The following FREM2 variants were observed in gnomAD, a reference collection of about 807,000 sequenced individuals.
The protein encoded by FREM2 is FRAS1-related extracellular matrix protein 2.
A neutral mutation model predicts 219.9 loss-of-function variants in FREM2; 119 were observed. The observed-to-expected ratio is 0.54, with a 90% CI of 0.47 to 0.63. The LOEUF (loss-of-function observed/expected upper bound fraction) is 0.63. FREM2 is among the 30% of genes least tolerant of loss of function. The pLI, the probability that FREM2 is intolerant of heterozygous loss-of-function variation, is 0.00. For synonymous variants in FREM2, 1,562 were observed against 1,522.8 expected, an observed-to-expected ratio of 1.03 and a Z score of -0.60; for missense variants, 4,030 against 3,993.6, an observed-to-expected ratio of 1.01 and a Z score of -0.25.
At position 38,697,749 on chromosome 13, in the gene FREM2, C is replaced by A. The variant is rs1461330765; in HGVS notation, c.5225C>A (p.Ala1742Asp). The change falls in exon 2 of 24, where the codon GCC becomes GAC. Residue 1742 changes from alanine (A) to aspartate (D), a missense_variant. Physicochemically the swap from Ala to Asp is moderately radical, Grantham distance 126 (BLOSUM62 -2). Coordinates refer to ENST00000280481, the MANE Select transcript of FREM2 (RefSeq NM_207361.6). ...ICYVLREGAN[A>D]TSDMFYFAVE... Reference sequence around the variant, plus strand: ...TATGTCTTAAGAGAAGGGGCTAATGCCACAAGTGATATGTTCTATTTTGCA... The same window carrying A: ...TATGTCTTAAGAGAAGGGGCTAATGACACAAGTGATATGTTCTATTTTGCA... The A allele has an allele frequency of 1.2e-6, 2 of 1,609,972 alleles. No individual in the cohort carries two copies. The highest frequency in any genetic ancestry group is 1.7e-6 in the Non-Finnish European group (2 of 1,176,304).
intron 2 of FREM2, among the ~76,000 whole-genome samples, chr13:38,741,373 T>C (rs1872241418): frequency 6.6e-6 from 1 of 152,184 alleles, no homozygotes; most frequent in Non-Finnish European, 1.5e-5. Flanking sequence ...GAAATCAGTA[T>C]ATCCAGCAAG....
intron 3 of FREM2, among the ~76,000 whole-genome samples, chr13:38,768,677 C>A (rs1873537495): frequency 6.6e-6 from 1 of 152,152 alleles, no homozygotes; most frequent in Non-Finnish European, 1.5e-5. Context: ...TAACTTGACT[C>A]ATTAAGAGGT....
chr13:38,692,567 G>A, intron 1 of FREM2, 50 bp downstream of exon 1: 8 of 1,590,160 alleles, frequency 5.0e-6, no homozygotes, highest in Non-Finnish European at 6.8e-6. Flanking sequence ...TGAGAATGTG[G>A]CTTCACTAAA....
chr13:38,855,097 T>C (rs919993213), intron 11 of FREM2, among the ~76,000 whole-genome samples: 10 of 152,024 alleles, frequency 6.6e-5, no homozygotes, highest in African/African-American at 2.4e-4. Context: ...TTGTCATGTT[T>C]TTTAGCAATT....
rs1406918436 is a variant in FREM2 at position 38,886,142 on chromosome 13, AT to A, written c.*5360del. 2 of 152,166 alleles carry A rather than the reference AT, an allele frequency of 1.3e-5. No homozygotes were observed. The highest frequency in any genetic ancestry group is 6.5e-5 in the Admixed American group (1 of 15,272). The allele number at this position is 152,166 out of a possible 1,614,324, so 9.4% of individuals were successfully genotyped here. On this transcript the variant is annotated 3_prime_UTR_variant, in exon 24 of 24. Transcript: ENST00000280481. ...GAAAGAAGAAAAAATAAGAATGTAA[AT>A]TTTTAAAAGCTAGCATTAAAAGTAA...
rs556932290 is a variant in FREM2, at chr13:38,794,255, A to G, written c.6019+9447A>G. On this transcript the variant is annotated intron_variant, in intron 6 of 23. Coordinates refer to ENST00000280481, the MANE Select transcript of FREM2 (RefSeq NM_207361.6). ...ATGAATGCTAAACAGAAGATGACAAATGATAAATAGAATAGTCAGTATTAA... is the reference window on the plus strand; with the variant it reads ...ATGAATGCTAAACAGAAGATGACAAGTGATAAATAGAATAGTCAGTATTAA... 2.6e-5 allele frequency among the ~76,000 whole-genome samples: 4 copies of G among 152,340 alleles called. No homozygotes were observed. In the East Asian group the frequency reaches 7.7e-4, roughly 29 times the overall value.
chr13:38,737,455 C>T (rs1422776951), intron 2 of FREM2, among the ~76,000 whole-genome samples: 2 of 152,162 alleles, frequency 1.3e-5, no homozygotes, highest in African/African-American at 4.8e-5. Flanking sequence ...AGAGATTATC[C>T]ACCATCCATA....
At chr13:38,751,885 TG>T (rs1872786933) in intron 2 of FREM2, among the ~76,000 whole-genome samples, 3 of 150,838 alleles carry the variant, frequency 2.0e-5, no homozygotes, top group South Asian at 2.2e-4. Context: ...TGTGTGTGTG[TG>T]TGTGTGTGTG....
At chr13:38,744,617 G>A (rs561976493) in intron 2 of FREM2, among the ~76,000 whole-genome samples, 59 of 152,052 alleles carry the variant, frequency 3.9e-4, no homozygotes, top group Admixed American at 7.9e-4. Context: ...TCAGCCTCCC[G>A]AGTAGCTGGG....
intron 11 of FREM2, among the ~76,000 whole-genome samples, chr13:38,854,160 A>C (rs960892315): frequency 1.9e-4 from 29 of 151,602 alleles, no homozygotes; most frequent in Non-Finnish European, 4.3e-4. Flanking sequence ...AAAAAAGTTG[A>C]AATTTTTTCA....
intron 2 of FREM2, among the ~76,000 whole-genome samples, chr13:38,749,380 A>ACAC: frequency 6.6e-6 from 1 of 152,356 alleles, no homozygotes; most frequent in East Asian, 1.9e-4. Flanking sequence ...TATTTATGTA[A>ACAC]GAAGAGGAGG....
chr13:38,706,286 A>G (rs888799471), intron 2 of FREM2, among the ~76,000 whole-genome samples: 1 of 152,238 alleles, frequency 6.6e-6, no homozygotes. Context: ...ACACTGAGCC[A>G]TAAGTGGTTG....
At position 38,882,848 on chromosome 13, in the gene FREM2, A is replaced by G. The variant is rs139680257; in HGVS notation, c.*2061A>G. 1.2e-4 allele frequency: 19 copies of G among 152,308 alleles called. No homozygotes were observed. The highest frequency in any genetic ancestry group is 4.1e-4 in the African/African-American group (17 of 41,580). The allele number at this position is 152,308 out of a possible 1,614,324, so 9.4% of individuals were successfully genotyped here. A position where few individuals can be genotyped will look rare whatever the true frequency, so the allele number is the denominator to read the frequency against. ...TAGACTGTTAGAGCAAGTATACTCA[A>G]TCAACTTGCTGATATTTTAGTAGTT... is the stretch of plus-strand genomic sequence containing the variant. On this transcript the variant is annotated 3_prime_UTR_variant, in exon 24 of 24. Coordinates refer to ENST00000280481, the MANE Select transcript of FREM2 (RefSeq NM_207361.6).
intron 6 of FREM2, among the ~76,000 whole-genome samples, chr13:38,794,724 C>T (rs1266331648): frequency 6.6e-6 from 1 of 151,918 alleles, no homozygotes; most frequent in Non-Finnish European, 1.5e-5. Flanking sequence ...ATGATAAAAA[C>T]ATTGCTAGCT....
chr13:38,723,216 C>G (rs1871368572), intron 2 of FREM2, among the ~76,000 whole-genome samples: 1 of 151,474 alleles, frequency 6.6e-6, no homozygotes, highest in Non-Finnish European at 1.5e-5. Flanking sequence ...GCCTGGGCAA[C>G]AGAGCATGCG....
rs1302240446 is a variant in FREM2, at chr13:38,807,203, ATATATATATATATATATATATATATG to A, written c.6019+22399_6019+22424del. On this transcript the variant is annotated intron_variant, in intron 6 of 23. Transcript: ENST00000280481. Reference sequence around the variant, plus strand: ...TCTTGTCTCTGTTATATATATATATATATATATATATATATATATATATATGTATGGTTTTGTTTTGTTTTGTTTTT... The same window carrying A: ...TCTTGTCTCTGTTATATATATATATATATGGTTTTGTTTTGTTTTGTTTTT... 5.0e-5 allele frequency among the ~76,000 whole-genome samples: 5 copies of A among 100,734 alleles called. 2 individuals are homozygous for A. The highest frequency in any genetic ancestry group is 8.3e-4 in the East Asian group (2 of 2,420). 66.1% of individuals were successfully genotyped at this position (100,734 alleles called of 152,430 possible).
intron 23 of FREM2, among the ~76,000 whole-genome samples, chr13:38,879,840 T>TC (rs926739844): frequency 6.6e-6 from 1 of 151,894 alleles, no homozygotes; most frequent in Non-Finnish European, 1.5e-5. Flanking sequence ...ATTGATTTTT[T>TC]CCCCCTATGG....
intron 6 of FREM2, among the ~76,000 whole-genome samples, chr13:38,807,077 C>CCTCCACTGAAGT (rs1316954129): frequency 6.7e-6 from 1 of 149,718 alleles, no homozygotes; most frequent in Non-Finnish European, 1.5e-5. Flanking sequence ...GTAGTTACTT[C>CCTCCACTGAAGT]CTCCACTGAA....
At chr13:38,792,068 C>T (rs1874584047) in intron 6 of FREM2, among the ~76,000 whole-genome samples, 1 of 152,166 alleles carries the variant, frequency 6.6e-6, no homozygotes, top group Admixed American at 6.5e-5. Context: ...CCCTTTAGGC[C>T]AGATGCAGTG....
Sources: gnomAD v4.1 joint callset for allele counts (sites outside exome capture counted in the v4.1 genomes callset) on GRCh38, gnomAD v4.1.1 for gene constraint, MANE v1.5 for transcripts, NCBI Gene and HGNC (gene_info 2026-07-23, HGNC 2026-07-21) for gene names.